The following DAB1 variants were observed in gnomAD, a reference collection of about 807,000 sequenced individuals.
The protein encoded by DAB1 is DAB adaptor protein 1, also known as disabled homolog 1.
Under a neutral mutation model 64.6 loss-of-function variants are expected in DAB1, and 15 were observed. The ratio of observed to expected loss-of-function variants is 0.23; its 90% CI spans 0.16 to 0.36. The LOEUF (loss-of-function observed/expected upper bound fraction) is 0.36. Ranked by LOEUF, DAB1 falls within the 10% of genes least tolerant of loss-of-function variation. The probability of loss-of-function intolerance (pLI) is 1.00; values close to 1 mark genes in which losing one functional copy is unlikely to be tolerated. For missense variants in DAB1, 596 were observed against 706.7 expected (o/e 0.84, Z 1.78); for synonymous variants, 235 against 251.9 (o/e 0.93, Z 0.64).
At chr1:57,477,792 G>A (rs1643956556) in intron 7 of DAB1, among the ~76,000 whole-genome samples, 2 of 152,152 alleles carry the variant, frequency 1.3e-5, no homozygotes, top group South Asian at 2.1e-4. Context: ...ATGTCAAGGA[G>A]TTTGCTTTGA....
intron 5 of DAB1, among the ~76,000 whole-genome samples, chr1:58,001,944 T>C (rs1260649729): frequency 1.3e-5 from 2 of 152,136 alleles, no homozygotes; most frequent in Non-Finnish European, 2.9e-5. Flanking sequence ...AAAGGTGGTA[T>C]AAAGATGTAG....
intron 6 of DAB1, among the ~76,000 whole-genome samples, chr1:57,653,942 CATTT>C (rs1326979577): frequency 3.3e-5 from 5 of 152,116 alleles, no homozygotes; most frequent in African/African-American, 9.7e-5. Flanking sequence ...GTGACAGCAG[CATTT>C]ATACCAATCT....
intron 5 of DAB1, among the ~76,000 whole-genome samples, chr1:58,097,920 T>G (rs1651086933): frequency 6.6e-6 from 1 of 152,222 alleles, no homozygotes; most frequent in South Asian, 2.1e-4. Flanking sequence ...AGACCCTAGC[T>G]GTCTTTCCTT....
chr1:58,229,806 C>G (rs1297489419), intron 4 of DAB1, among the ~76,000 whole-genome samples: 3 of 152,158 alleles, frequency 2.0e-5, no homozygotes, highest in Non-Finnish European at 4.4e-5. Context: ...AAGGGGGAAG[C>G]AGTACGACTA....
chr1:57,489,632 G>C (rs117042766), intron 7 of DAB1, among the ~76,000 whole-genome samples: 1 of 151,862 alleles, frequency 6.6e-6, no homozygotes, highest in Admixed American at 6.5e-5. Flanking sequence ...TCCCCACAGT[G>C]TCTAACCCAG....
intron 3 of DAB1, among the ~76,000 whole-genome samples, chr1:58,454,890 T>C (rs754864634): frequency 1.3e-5 from 2 of 152,220 alleles, no homozygotes; most frequent in Non-Finnish European, 2.9e-5. Flanking sequence ...ATCCCTCGCT[T>C]ATCCTACCAC....
At position 57,062,937 on chromosome 1, in the gene DAB1, T is replaced by G. The variant is rs755221243; in HGVS notation, c.670A>C (p.Thr224Pro). Reference protein sequence around the residue: ...ETEENIYQVPTSQKKEGVYDV... With the variant: ...ETEENIYQVPPSQKKEGVYDV... Reference sequence around the variant, plus strand: ...TAAACACCTTCCTTCTTTTGGCTGGTGGGAACCTATGGAAAAATTAAATTC... The same window carrying G: ...TAAACACCTTCCTTCTTTTGGCTGGGGGGAACCTATGGAAAAATTAAATTC... The change falls in exon 9 of 15, where the codon ACC (threonine) becomes CCC (proline). Residue 224 changes from threonine (T) to proline (P), a missense_variant. By Grantham distance (38) the Thr-to-Pro change is conservative. Transcript: ENST00000371236. The G allele has an allele frequency of 5.0e-6, 8 of 1,613,932 alleles. No individual in the cohort carries two copies. The highest frequency in any genetic ancestry group is 6.8e-6 in the Non-Finnish European group (8 of 1,179,922).
chr1:57,441,266 TTCTTTC>T (rs1304089109), intron 7 of DAB1, among the ~76,000 whole-genome samples: 1 of 40,054 alleles, frequency 2.5e-5, no homozygotes, highest in Non-Finnish European at 6.9e-5. Flanking sequence ...TTTCTTTTCT[TTCTTTC>T]TCTTTCTTTC....
intron 5 of DAB1, among the ~76,000 whole-genome samples, chr1:57,925,220 G>A (rs1644862582): frequency 6.6e-6 from 1 of 152,180 alleles, no homozygotes; most frequent in African/African-American, 2.4e-5. Context: ...TATGTGTTGA[G>A]TTTCACTGTC....
chr1:57,773,114 C>G (rs1017134328), intron 6 of DAB1, among the ~76,000 whole-genome samples: 1 of 152,018 alleles, frequency 6.6e-6, no homozygotes, highest in Admixed American at 6.6e-5. Flanking sequence ...CTACTGATAC[C>G]TTAATTTCAG....
chr1:58,467,056 G>C (rs1645304706), intron 3 of DAB1, among the ~76,000 whole-genome samples: 1 of 152,224 alleles, frequency 6.6e-6, no homozygotes, highest in Non-Finnish European at 1.5e-5. Flanking sequence ...GGACAAGTGG[G>C]ACCAGAGAGT....
chr1:57,450,837 C>T (rs1686322725), intron 7 of DAB1, among the ~76,000 whole-genome samples: 1 of 152,122 alleles, frequency 6.6e-6, no homozygotes, highest in Admixed American at 6.5e-5. Context: ...CCTGTATGTC[C>T]ATCAAAAGAA....
chr1:57,408,862 A>G (rs568870861), intron 1 of DAB1, among the ~76,000 whole-genome samples: 1 of 152,250 alleles, frequency 6.6e-6, no homozygotes, highest in South Asian at 2.1e-4. Context: ...GTGTTGCAGA[A>G]AGTTGATCTT....
chr1:57,224,868 A>C (rs1667142121), intron 2 of DAB1, among the ~76,000 whole-genome samples: 1 of 152,186 alleles, frequency 6.6e-6, no homozygotes, highest in African/African-American at 2.4e-5. Context: ...ACTTTCAGCC[A>C]GGCCCCCAGA....
chr1:57,426,953 T>C (rs1685314090), upstream of DAB1, among the ~76,000 whole-genome samples: 1 of 151,522 alleles, frequency 6.6e-6, no homozygotes, highest in African/African-American at 2.4e-5. Context: ...AAGCTCCGCC[T>C]CCTGGGTTCA....
At chr1:57,949,155 T>C (rs1466763371) in intron 5 of DAB1, among the ~76,000 whole-genome samples, 1 of 151,708 alleles carries the variant, frequency 6.6e-6, no homozygotes, top group Non-Finnish European at 1.5e-5. Context: ...TGCAAGACAA[T>C]ATTTCCATGG....
At chr1:57,500,128 C>T (rs1644274118) in intron 7 of DAB1, among the ~76,000 whole-genome samples, 1 of 152,162 alleles carries the variant, frequency 6.6e-6, no homozygotes, top group African/African-American at 2.4e-5. Context: ...GAGCTGAAAA[C>T]CAGACTAAGT....
intron 4 of DAB1, among the ~76,000 whole-genome samples, chr1:58,184,558 C>G (rs1656971737): frequency 1.3e-5 from 2 of 152,072 alleles, no homozygotes; most frequent in Non-Finnish European, 2.9e-5. Context: ...GGAAAAGCTA[C>G]TTAGTACAAA....
rs536538486 is a variant in DAB1, at chr1:58,441,483, T to C, written n.257+64577A>G. On this transcript the variant is annotated intron_variant and non_coding_transcript_variant, in intron 3 of 20. Coordinates refer to the DAB1 transcript ENST00000485760. ...AACCCAAGGTCGAGTAATCAAGTCA[T>C]TGTTCTACCTTGTGTTGTGTTGGGA... Among the ~76,000 whole-genome samples the C allele has an allele frequency of 4.3e-4, 66 of 152,346 alleles. 2 individuals are homozygous for C. In the South Asian group the frequency reaches 0.013, roughly 30 times the overall value.
Sources: allele counts gnomAD v4.1 joint callset (sites outside exome capture counted in the v4.1 genomes callset), GRCh38; gene constraint gnomAD v4.1.1; transcripts MANE v1.5; gene names NCBI Gene and HGNC (gene_info 2026-07-23, HGNC 2026-07-21).